The following ADGRL3 variants were observed in gnomAD, a reference collection of about 807,000 sequenced individuals.
The protein encoded by ADGRL3 is calcium-independent alpha-latrotoxin receptor 3.
A neutral mutation model predicts 153.5 loss-of-function variants in ADGRL3; 62 were observed. That is an observed-to-expected ratio of 0.40 (90% CI 0.33 to 0.50). The LOEUF is 0.50. ADGRL3 is among the 20% of genes least tolerant of loss of function. ADGRL3 has a pLI of 0.47. For missense variants in ADGRL3, 1,641 were observed against 1,859.4 expected (o/e 0.88, Z 2.16); for synonymous variants, 710 against 672.5 (o/e 1.06, Z -0.86).
chr4:61,811,593 A>G (rs1438183619), intron 8 of ADGRL3, among the ~76,000 whole-genome samples: 4 of 152,086 alleles, frequency 2.6e-5, no homozygotes, highest in Admixed American at 1.3e-4. Context: ...TATATTAAAA[A>G]CTATTGAATT....
intron 4 of ADGRL3, among the ~76,000 whole-genome samples, chr4:61,571,163 A>G (rs2098836958): frequency 1.3e-5 from 2 of 152,104 alleles, no homozygotes; most frequent in Admixed American, 1.3e-4. Context: ...AGATACATTT[A>G]CAGACATCAG....
intron 1 of ADGRL3, among the ~76,000 whole-genome samples, chr4:61,299,163 C>A (rs183686352): frequency 4.6e-5 from 7 of 152,072 alleles, no homozygotes; most frequent in Admixed American, 2.0e-4. Context: ...ATCTTCCCCC[C>A]CTTTTCTGTG....
chr4:61,637,624 G>A (rs763018811), intron 5 of ADGRL3, among the ~76,000 whole-genome samples: 7 of 152,014 alleles, frequency 4.6e-5, no homozygotes, highest in Non-Finnish European at 1.0e-4. Flanking sequence ...TTATCCAGGC[G>A]TGGTGGCCCG....
At chr4:61,818,918 A>G (rs2097719251) in intron 9 of ADGRL3, among the ~76,000 whole-genome samples, 1 of 152,190 alleles carries the variant, frequency 6.6e-6, no homozygotes. Flanking sequence ...AGAGATTTGT[A>G]CAAATTACCA....
At chr4:62,032,233 G>T (rs1722500514) in intron 23 of ADGRL3, among the ~76,000 whole-genome samples, 1 of 151,120 alleles carries the variant, frequency 6.6e-6, no homozygotes, top group African/African-American at 2.4e-5. Context: ...TCTTTTACAT[G>T]TATCTGTTTT....
At chr4:61,414,715 T>A (rs1410937953) in intron 2 of ADGRL3, among the ~76,000 whole-genome samples, 1 of 151,982 alleles carries the variant, frequency 6.6e-6, no homozygotes, top group Non-Finnish European at 1.5e-5. Context: ...AGAGGTATAT[T>A]TCTGGTTATG....
chr4:61,348,591 A>G lies in ADGRL3; in HGVS notation c.-239-34533A>G, dbSNP rs144821087. Among the ~76,000 whole-genome samples the G allele has an allele frequency of 3.5e-3, 540 of 152,154 alleles. 2 individuals are homozygous for G. Among genetic ancestry groups the G allele is most frequent in the African/African-American group, 0.012 (518 of 41,580 alleles). ...AGCATAATTCTCAAATTAAATTTTTACAAGACAGAATTAAGGTTATTTAAT... is the reference window on the plus strand; with the variant it reads ...AGCATAATTCTCAAATTAAATTTTTGCAAGACAGAATTAAGGTTATTTAAT... On this transcript the variant is annotated intron_variant, in intron 1 of 26. Transcript: ENST00000683033.
At chr4:61,820,712 A>C (rs944782149) in intron 9 of ADGRL3, among the ~76,000 whole-genome samples, 1 of 152,208 alleles carries the variant, frequency 6.6e-6, no homozygotes. Flanking sequence ...GTTTTACTAA[A>C]GTGGAAATGA....
At position 61,214,412 on chromosome 4, in the gene ADGRL3, T is replaced by G. The variant is rs1741652374; in HGVS notation, c.-240+12647T>G. On this transcript the variant is annotated intron_variant, in intron 1 of 26. Transcript: ENST00000683033. ...ACTTAATAAAACTTTTTCTTTACCG[T>G]ACTTCTTATGGAACAAAAACAAATG... 2.0e-5 allele frequency among the ~76,000 whole-genome samples: 3 copies of G among 152,344 alleles called. No individual in the cohort carries two copies. The South Asian group carries it at 6.2e-4, about 32-fold the overall frequency.
Position 62,072,309 on chromosome 4 carries a change from G to A in ADGRL3, c.*1401G>A, listed in dbSNP as rs545195485. On this transcript the variant is annotated 3_prime_UTR_variant, in exon 27 of 27. Coordinates refer to ENST00000683033, the MANE Select transcript of ADGRL3 (RefSeq NM_001387552.1). Reference sequence around the variant, plus strand: ...ATGTAGGAATACAAAAGGTAAATTAGCAGCACATATAATTTTTTTTTAATT... The same window carrying A: ...ATGTAGGAATACAAAAGGTAAATTAACAGCACATATAATTTTTTTTTAATT... 6.6e-6 allele frequency: 1 copy of A among 152,588 alleles called. No homozygotes were observed. Among genetic ancestry groups the A allele is most frequent in the African/African-American group, 2.4e-5 (1 of 41,528 alleles). 9.5% of individuals were successfully genotyped at this position (152,588 alleles called of 1,614,324 possible). A position where few individuals can be genotyped will look rare whatever the true frequency, so the allele number is the denominator to read the frequency against.
At chr4:62,006,032 A>ATATATATATATT (rs1203029363) in intron 21 of ADGRL3, among the ~76,000 whole-genome samples, 9 of 73,078 alleles carry the variant, frequency 1.2e-4, no homozygotes, top group African/African-American at 4.5e-4. Context: ...ATATATATAT[A>ATATATATATATT]TTTTTTTTTT....
chr4:61,679,663 G>A (rs76585120), intron 6 of ADGRL3, among the ~76,000 whole-genome samples: 2,846 of 152,090 alleles, frequency 0.019, 75 homozygotes, highest in South Asian at 0.062. Flanking sequence ...TCCTTGTTAT[G>A]TGTATCACCA....
chr4:62,035,089 C>T (rs1412366563), intron 23 of ADGRL3, among the ~76,000 whole-genome samples: 2 of 151,854 alleles, frequency 1.3e-5, no homozygotes, highest in Admixed American at 6.6e-5. Context: ...AAAAATGTTT[C>T]CTGGACATGG....
intron 4 of ADGRL3, among the ~76,000 whole-genome samples, chr4:61,544,643 T>C (rs1290250464): frequency 8.5e-5 from 13 of 152,198 alleles, no homozygotes; most frequent in Admixed American, 8.5e-4. Flanking sequence ...ATTTTAGTTT[T>C]CACATTTATA....
In ADGRL3 at chr4:61,252,267, A is replaced by C. The variant is rs1230882255; in HGVS notation, c.-240+50502A>C. 4.6e-5 allele frequency among the ~76,000 whole-genome samples: 7 copies of C among 152,182 alleles called. No individual in the cohort carries two copies. The South Asian group carries it at 1.5e-3, about 32-fold the overall frequency. On this transcript the variant is annotated intron_variant, in intron 1 of 26. Transcript: ENST00000683033. ...ATATAAGTTCATTGTGTGTACATTA[A>C]ATTAAATAAAAACATGTCTGTAAAC...
intron 2 of ADGRL3, among the ~76,000 whole-genome samples, chr4:61,491,721 T>C (rs1294307018): frequency 3.3e-5 from 5 of 152,082 alleles, no homozygotes; most frequent in Non-Finnish European, 7.4e-5. Context: ...TGCCTGTCCT[T>C]ATTTCTTTTC....
intron 1 of ADGRL3, among the ~76,000 whole-genome samples, chr4:61,260,803 G>A (rs1020854285): frequency 2.0e-5 from 3 of 152,006 alleles, no homozygotes; most frequent in Non-Finnish European, 2.9e-5. Context: ...TCAGCCCGCT[G>A]CAATCTCTGC....
At chr4:61,351,514 G>A (rs964104454) in intron 1 of ADGRL3, among the ~76,000 whole-genome samples, 1 of 152,162 alleles carries the variant, frequency 6.6e-6, no homozygotes, top group Admixed American at 6.5e-5. Context: ...GGAAATTTCA[G>A]TGCCTGGCTT....
intron 17 of ADGRL3, among the ~76,000 whole-genome samples, chr4:61,965,625 C>T (rs1352897090): frequency 3.9e-5 from 6 of 152,052 alleles, no homozygotes; most frequent in East Asian, 2.0e-4. Flanking sequence ...GTGGCAGGCA[C>T]CTGTAGTCCC....
Sources: allele counts gnomAD v4.1 joint callset (sites outside exome capture counted in the v4.1 genomes callset), GRCh38; gene constraint gnomAD v4.1.1; transcripts MANE v1.5; gene names NCBI Gene and HGNC (gene_info 2026-07-23, HGNC 2026-07-21).